The following SNRNP48 variants were observed in gnomAD, a reference collection of about 807,000 sequenced individuals.
The protein encoded by SNRNP48 is U11/U12 small nuclear ribonucleoprotein 48 kDa protein.
In SNRNP48, 43 loss-of-function variants were observed where a neutral mutation model predicts 47.0. The ratio of observed to expected loss-of-function variants is 0.92; its 90% CI spans 0.72 to 1.18. SNRNP48 has a LOEUF of 1.18. SNRNP48 is among the 50% of genes most tolerant of loss of function. The pLI is 0.00. For synonymous variants in SNRNP48, 138 were observed against 144.0 expected (o/e 0.96, Z 0.30); for missense variants, 396 against 422.2 (o/e 0.94, Z 0.54).
chr6:7,597,497 C>T (rs1759924044), intron 4 of SNRNP48, among the ~76,000 whole-genome samples: 1 of 152,066 alleles, frequency 6.6e-6, no homozygotes, highest in Admixed American at 6.5e-5. Flanking sequence ...TTTTTGTTTC[C>T]TTATCTGTAA....
rs772311517 is a variant in SNRNP48 at position 7,593,781 on chromosome 6, A to G, written c.204A>G (p.Lys68=). ...ACGATTCCAATCATCACATGCCTAA[A>G]TCATCTTTGGCAAAGCACATGGCAT... ...CPYDSNHHMP[K]SSLAKHMASC... The change falls in exon 2 of 9, where the codon AAA becomes AAG. Residue 68 remains lysine, a synonymous_variant. Transcript: ENST00000342415. The G allele has an allele frequency of 1.0e-5, 16 of 1,600,594 alleles. No individual in the cohort carries two copies. The highest frequency in any genetic ancestry group is 5.1e-5 in the Admixed American group (3 of 58,504).
chr6:7,591,378 G>T (rs1042488898), intron 1 of SNRNP48, among the ~76,000 whole-genome samples: 1 of 152,102 alleles, frequency 6.6e-6, no homozygotes, highest in Non-Finnish European at 1.5e-5. Context: ...AGGAAGGGAA[G>T]TGCTCCAATG....
intron 4 of SNRNP48, among the ~76,000 whole-genome samples, chr6:7,598,177 T>TTATA (rs1759942761): frequency 6.6e-6 from 1 of 150,388 alleles, no homozygotes; most frequent in East Asian, 2.0e-4. Context: ...AACGGTAACT[T>TTATA]TATATGATCT....
chr6:7,605,969 G>T, intron 7 of SNRNP48, 62 bp from the exon 8 acceptor site: 9 of 1,500,278 alleles, frequency 6.0e-6, no homozygotes, highest in Non-Finnish European at 8.1e-6. Flanking sequence ...TGGTGTGTCT[G>T]TGTACGTATA....
chr6:7,594,974 T>C, intron 3 of SNRNP48, 53 bp from the exon 4 acceptor site: 1 of 1,452,968 alleles, frequency 6.9e-7, no homozygotes, highest in Non-Finnish European at 9.4e-7. Context: ...AATAATTTAA[T>C]TGTGGTCACT....
chr6:7,606,177 CGAGAA>C lies in SNRNP48; in HGVS notation c.956_960del (p.Arg319LysfsTer11), dbSNP rs747008126. On this transcript the variant is annotated frameshift_variant, in exon 8 of 9. Coordinates refer to ENST00000342415, the MANE Select transcript of SNRNP48 (RefSeq NM_152551.4). LOFTEE classifies it high-confidence loss of function. Reference sequence around the variant, plus strand: ...AAAGATAAGGATAAAAACTGTGAGTCGAGAAGAAGGAAAGAGAGGTGGGTCTAACC... The same window carrying C: ...AAAGATAAGGATAAAAACTGTGAGTCGAAGGAAAGAGAGGTGGGTCTAACC... 6.2e-7 allele frequency: 1 copy of C among 1,610,426 alleles called. No homozygotes were observed.
rs1367592506 is a variant in SNRNP48 at position 7,602,613 on chromosome 6, C to T, written c.596-10C>T. On this transcript the variant is annotated splice_polypyrimidine_tract_variant and intron_variant, in intron 5 of 8. Transcript: ENST00000342415. ...AAGGATATAATACTTTTATTTTATT[C>T]TTTCATTAGACAATAGTCGAAAAAG... 4 of 1,558,960 alleles carry T rather than the reference C, an allele frequency of 2.6e-6. No homozygotes were observed. The highest frequency in any genetic ancestry group is 3.5e-6 in the Non-Finnish European group (4 of 1,156,400).
At chr6:7,606,397 C>T (rs939996382) in intron 8 of SNRNP48, among the ~76,000 whole-genome samples, 7 of 152,196 alleles carry the variant, frequency 4.6e-5, no homozygotes, top group Admixed American at 1.3e-4. Context: ...TCTCTACATG[C>T]GTGATTGGAT....
intron 6 of SNRNP48, 102 bp downstream of exon 6, chr6:7,602,846 C>T: frequency 8.8e-7 from 1 of 1,131,498 alleles, no homozygotes. Context: ...CTGAAAGTGT[C>T]TTCAGGGTGG....
rs1295664449 is a variant in SNRNP48 at position 7,611,697 on chromosome 6, A to G, written c.*2824A>G. The G allele has an allele frequency of 1.3e-5, 2 of 152,226 alleles. No individual in the cohort carries two copies. The allele number at this position is 152,226 out of a possible 1,614,324, so 9.4% of individuals were successfully genotyped here. On this transcript the variant is annotated 3_prime_UTR_variant, in exon 9 of 9. Transcript: ENST00000342415. Reference sequence around the variant, plus strand: ...ATTACCTGTGTATGCTACAGTACAGACATTAATTCTATAAACATGTTCATA... The same window carrying G: ...ATTACCTGTGTATGCTACAGTACAGGCATTAATTCTATAAACATGTTCATA...
rs1322473302 is a variant in SNRNP48 at position 7,593,818 on chromosome 6, A to G, written c.241A>G (p.Arg81Gly). The change falls in exon 2 of 9, where the codon AGG (arginine) becomes GGG (glycine). Residue 81 changes from arginine to glycine, a missense_variant. Arg to Gly is a moderately radical substitution (Grantham distance 125, BLOSUM62 -2). Coordinates refer to ENST00000342415, the MANE Select transcript of SNRNP48 (RefSeq NM_152551.4). ...AAAGCACATGGCATCTTGTAGATTG[A>G]GGAAAATGGGCTATACCAAAGAAGA... ...LAKHMASCRL[R>G]KMGYTKEEED... The G allele has an allele frequency of 6.3e-7, 1 of 1,597,042 alleles. No individual in the cohort carries two copies.
At position 7,595,051 on chromosome 6, in the gene SNRNP48, T is replaced by C; in HGVS notation, c.356T>C (p.Ile119Thr). 2 of 1,599,342 alleles carry C rather than the reference T, an allele frequency of 1.3e-6. No homozygotes were observed. Among genetic ancestry groups the C allele is most frequent in the Non-Finnish European group, 1.7e-6 (2 of 1,175,258 alleles). ...TLNKDSQFQI[I>T]KQARTAVGKD... ...GATAAGGACTCACAATTCCAGATAA[T>C]TAAACAAGCTAGAACTGCAGTTGGG... is the stretch of plus-strand genomic sequence containing the variant. Residue 119 changes from isoleucine (I) to threonine (T), a missense_variant, in exon 4 of 9, where the codon ATT (isoleucine) becomes ACT (threonine). By Grantham distance (89) the Ile-to-Thr change is moderately conservative. Transcript: ENST00000342415.
Position 7,608,813 on chromosome 6 carries a change from CTT to C in SNRNP48, c.972-9_972-8del, listed in dbSNP as rs1760179562. The C allele has an allele frequency of 6.8e-7, 1 of 1,473,690 alleles. No homozygotes were observed. The highest frequency in any genetic ancestry group is 9.2e-7 in the Non-Finnish European group (1 of 1,087,994). 91.3% of individuals were successfully genotyped at this position (1,473,690 alleles called of 1,614,324 possible). A position where few individuals can be genotyped will look rare whatever the true frequency, so the allele number is the denominator to read the frequency against. On this transcript the variant is annotated splice_polypyrimidine_tract_variant and intron_variant, in intron 8 of 8. Transcript: ENST00000342415. ...CATTTATAACCATTTTTTTATACCTCTTTTATTTCAGGGATGGGGAAAGACAC... is the reference window on the plus strand; with the variant it reads ...CATTTATAACCATTTTTTTATACCTCTTATTTCAGGGATGGGGAAAGACAC...
intron 4 of SNRNP48, among the ~76,000 whole-genome samples, chr6:7,599,097 T>G (rs1223872255): frequency 6.6e-6 from 1 of 152,330 alleles, no homozygotes; most frequent in South Asian, 2.1e-4. Flanking sequence ...TGTGAGACTT[T>G]GGGCAAGTCA....
chr6:7,590,664 C>T (rs887572240), intron 1 of SNRNP48, among the ~76,000 whole-genome samples: 5 of 152,184 alleles, frequency 3.3e-5, no homozygotes, highest in African/African-American at 7.2e-5. Context: ...CGGCGCTCCT[C>T]CCGCGCAACT....
intron 1 of SNRNP48, among the ~76,000 whole-genome samples, chr6:7,593,367 A>G (rs1458139556): frequency 6.6e-6 from 1 of 152,160 alleles, no homozygotes; most frequent in African/African-American, 2.4e-5. Flanking sequence ...AAAACAAGAC[A>G]GTGACATGTT....
rs1170252001 is a variant in SNRNP48 at position 7,601,451 on chromosome 6, A to G, written c.522A>G (p.Lys174=). The change falls in exon 5 of 9, where the codon AAA becomes AAG. Residue 174 remains lysine (K), a synonymous_variant. Coordinates refer to ENST00000342415, the MANE Select transcript of SNRNP48 (RefSeq NM_152551.4). ...ATTTCGTAGTTGAGGAGACAAAGAAAAAGCGCTCTGATTCTCAAATTATTG... is the reference window on the plus strand; with the variant it reads ...ATTTCGTAGTTGAGGAGACAAAGAAGAAGCGCTCTGATTCTCAAATTATTG... ...LYDFVVEETK[K]KRSDSQIIEN... is the part of the protein sequence containing the mutation. 6.2e-7 allele frequency: 1 copy of G among 1,603,516 alleles called. No homozygotes were observed. Among genetic ancestry groups the G allele is most frequent in the African/African-American group, 1.3e-5 (1 of 74,210 alleles).
rs1455007551 is a variant in SNRNP48 at position 7,611,627 on chromosome 6, A to G, written c.*2754A>G. ...GAGTACAGCTAATTGGATAATCTCAAACCCTTTAGTGAAAATATCTTAAAT... is the reference window on the plus strand; with the variant it reads ...GAGTACAGCTAATTGGATAATCTCAGACCCTTTAGTGAAAATATCTTAAAT... On this transcript the variant is annotated 3_prime_UTR_variant, in exon 9 of 9. Transcript: ENST00000342415. 1 of 152,206 alleles carries G rather than the reference A, an allele frequency of 6.6e-6. No homozygotes were observed. Among genetic ancestry groups the G allele is most frequent in the Non-Finnish European group, 1.5e-5 (1 of 68,028 alleles). 9.4% of individuals were successfully genotyped at this position (152,206 alleles called of 1,614,324 possible).
chr6:7,606,199 G>A lies in SNRNP48; in HGVS notation c.971+4G>A, dbSNP rs1462757658. The A allele has an allele frequency of 6.3e-7, 1 of 1,599,192 alleles. No homozygotes were observed. Among genetic ancestry groups the A allele is most frequent in the Admixed American group, 1.8e-5 (1 of 55,982 alleles). ...AGTCGAGAAGAAGGAAAGAGAGGTGGGTCTAACCCTGCATCATCCAACGTT... is the reference window on the plus strand; with the variant it reads ...AGTCGAGAAGAAGGAAAGAGAGGTGAGTCTAACCCTGCATCATCCAACGTT... On this transcript the variant is annotated splice_donor_region_variant and intron_variant, in intron 8 of 8. Coordinates refer to ENST00000342415, the MANE Select transcript of SNRNP48 (RefSeq NM_152551.4).
Sources: gnomAD v4.1 joint callset for allele counts (sites outside exome capture counted in the v4.1 genomes callset) on GRCh38, gnomAD v4.1.1 for gene constraint, MANE v1.5 for transcripts, NCBI Gene and HGNC (gene_info 2026-07-23, HGNC 2026-07-21) for gene names.